The following BBX variants were observed in gnomAD, a reference collection of about 807,000 sequenced individuals.
BBX encodes HMG box transcription factor BBX.
BBX carries 30 observed loss-of-function variants against 100.2 expected under a neutral mutation model. The observed-to-expected ratio is 0.30, with a 90% confidence interval of 0.22 to 0.41. The LOEUF (loss-of-function observed/expected upper bound fraction) is 0.41, where lower values mean the gene tolerates loss of function less well. BBX is among the 10% of genes least tolerant of loss of function. The pLI is 1.00. For synonymous variants in BBX, 376 were observed against 388.1 expected (o/e 0.97, Z 0.37); for missense variants, 1,023 against 1,129.8 (o/e 0.91, Z 1.35).
At chr3:107,532,115 G>A (rs1430303347) in intron 2 of BBX, among the ~76,000 whole-genome samples, 1 of 151,940 alleles carries the variant, frequency 6.6e-6, no homozygotes, top group Non-Finnish European at 1.5e-5. Context: ...GATCACTTGA[G>A]CCCGCACGGT....
chr3:107,625,840 A>G (rs2056129148), intron 2 of BBX, among the ~76,000 whole-genome samples: 2 of 152,068 alleles, frequency 1.3e-5, no homozygotes, highest in African/African-American at 4.8e-5. Flanking sequence ...TTCAACTTTT[A>G]TTTTAGATTC....
intron 5 of BBX, among the ~76,000 whole-genome samples, chr3:107,724,888 C>T (rs1289545683): frequency 1.3e-5 from 2 of 152,064 alleles, no homozygotes; most frequent in African/African-American, 2.4e-5. Context: ...CTTGGCAATG[C>T]GGGTTCCTTT....
intron 1 of BBX, among the ~76,000 whole-genome samples, chr3:107,525,717 C>G (rs1173895202): frequency 2.0e-5 from 3 of 152,188 alleles, no homozygotes; most frequent in Non-Finnish European, 2.9e-5. Flanking sequence ...CCTCGCAGAC[C>G]TGGTGGCCCT....
intron 7 of BBX, among the ~76,000 whole-genome samples, chr3:107,741,506 G>A (rs1028561778): frequency 6.6e-6 from 1 of 152,008 alleles, no homozygotes; most frequent in Non-Finnish European, 1.5e-5. Context: ...TGGCTTTATC[G>A]ATTATTTCAG....
At chr3:107,710,417 GT>G (rs745424772) in intron 3 of BBX, 34 bp from the exon 4 acceptor site, 1 of 1,517,280 alleles carries the variant, frequency 6.6e-7, no homozygotes, top group Admixed American at 2.0e-5. Flanking sequence ...TTCTCTCCCT[GT>G]TTCCCTGTTT....
At position 107,805,813 on chromosome 3, in the gene BBX, G is replaced by T; in HGVS notation, c.*356G>T. 3.6e-6 allele frequency: 1 copy of T among 277,290 alleles called. No homozygotes were observed. The highest frequency in any genetic ancestry group is 6.7e-6 in the Non-Finnish European group (1 of 149,712). 17.2% of individuals were successfully genotyped at this position (277,290 alleles called of 1,614,324 possible). A position where few individuals can be genotyped will look rare whatever the true frequency, so the allele number is the denominator to read the frequency against. ...TTACCAACCAGAGAGTGTGAAACTA[G>T]TTTCATATATTACCTAGTTATTCTT... On this transcript the variant is annotated 3_prime_UTR_variant, in exon 18 of 18. Transcript: ENST00000325805.
At chr3:107,778,302 A>G in intron 12 of BBX, 69 bp from the exon 13 acceptor site, 1 of 1,564,002 alleles carries the variant, frequency 6.4e-7, no homozygotes, top group Non-Finnish European at 8.8e-7. Context: ...ATCCTAAAAT[A>G]TATTTCATGT....
intron 10 of BBX, among the ~76,000 whole-genome samples, chr3:107,768,047 CTT>C (rs2066537300): frequency 6.6e-6 from 1 of 152,198 alleles, no homozygotes. Context: ...CAGTGTCACT[CTT>C]TCCGCATCTG....
intron 2 of BBX, among the ~76,000 whole-genome samples, chr3:107,625,504 G>A (rs772104139): frequency 6.6e-5 from 10 of 152,064 alleles, no homozygotes; most frequent in Non-Finnish European, 1.3e-4. Context: ...GGCTAGTCTC[G>A]AACTCCTGGC....
intron 3 of BBX, among the ~76,000 whole-genome samples, chr3:107,676,063 T>C (rs774161045): frequency 6.6e-5 from 10 of 152,124 alleles, no homozygotes; most frequent in Non-Finnish European, 1.0e-4. Flanking sequence ...TCCAAATAAA[T>C]TGATAATTTC....
At chr3:107,666,589 C>CG (rs560735395) in intron 3 of BBX, among the ~76,000 whole-genome samples, 71 of 152,224 alleles carry the variant, frequency 4.7e-4, no homozygotes, top group Admixed American at 3.1e-3. Flanking sequence ...TTTTTTGAGA[C>CG]GGAGTCTCGC....
chr3:107,648,987 T>G (rs2057683438), intron 3 of BBX, among the ~76,000 whole-genome samples: 1 of 152,168 alleles, frequency 6.6e-6, no homozygotes, highest in African/African-American at 2.4e-5. Flanking sequence ...GGGTAATTTA[T>G]AAAGGAAAGA....
intron 2 of BBX, among the ~76,000 whole-genome samples, chr3:107,554,139 C>G (rs1054689702): frequency 2.0e-5 from 3 of 151,972 alleles, no homozygotes; most frequent in African/African-American, 7.3e-5. Context: ...GGGATCTAAA[C>G]CCAGGAGTGC....
intron 2 of BBX, among the ~76,000 whole-genome samples, chr3:107,547,142 C>G (rs2049297716): frequency 6.6e-6 from 1 of 152,072 alleles, no homozygotes. Flanking sequence ...TGAAATAAAG[C>G]TCAAACATCC....
At chr3:107,619,533 AC>A (rs1191414351) in intron 2 of BBX, among the ~76,000 whole-genome samples, 1 of 151,054 alleles carries the variant, frequency 6.6e-6, no homozygotes, top group Non-Finnish European at 1.5e-5. Flanking sequence ...ATTTTTGTTT[AC>A]CATTTTTTTT....
chr3:107,792,828 A>G (rs1318656540), intron 15 of BBX, among the ~76,000 whole-genome samples: 2 of 152,158 alleles, frequency 1.3e-5, no homozygotes, highest in Non-Finnish European at 2.9e-5. Flanking sequence ...TTTACTCTTT[A>G]CTTAAAATGT....
chr3:107,648,823 C>T (rs772784351), intron 3 of BBX, among the ~76,000 whole-genome samples: 7 of 152,138 alleles, frequency 4.6e-5, no homozygotes, highest in Admixed American at 2.6e-4. Context: ...TATTATCAAA[C>T]TTGTGTGGAT....
In BBX at chr3:107,584,112, T is replaced by A. The variant is rs183334337; in HGVS notation, c.-84+57714T>A. ...ATCATATATTATATATATTATATATTATATATAATATATATATTATTATAT... is the reference window on the plus strand; with the variant it reads ...ATCATATATTATATATATTATATATAATATATAATATATATATTATTATAT... On this transcript the variant is annotated intron_variant, in intron 2 of 17. Coordinates refer to ENST00000325805, the MANE Select transcript of BBX (RefSeq NM_001142568.3). Among the ~76,000 whole-genome samples, 33 of 12,690 alleles carry A rather than the reference T, an allele frequency of 2.6e-3. 3 individuals are homozygous for A. The highest frequency in any genetic ancestry group is 9.1e-3 in the South Asian group (8 of 876). The allele number at this position is 12,690 out of a possible 152,430, so 8.3% of individuals were successfully genotyped here.
intron 9 of BBX, among the ~76,000 whole-genome samples, chr3:107,751,784 C>T (rs1196644874): frequency 6.6e-6 from 1 of 152,182 alleles, no homozygotes; most frequent in Non-Finnish European, 1.5e-5. Context: ...AGCCTGTCTC[C>T]CATTCCAAGG....
Sources: allele counts gnomAD v4.1 joint callset (sites outside exome capture counted in the v4.1 genomes callset), GRCh38; gene constraint gnomAD v4.1.1; transcripts MANE v1.5; gene names NCBI Gene and HGNC (gene_info 2026-07-23, HGNC 2026-07-21).